GUCY2D: variants seen among roughly 807,000 people sequenced by gnomAD.
GUCY2D encodes the protein retinal guanylyl cyclase 1.
A neutral mutation model predicts 101.3 loss-of-function variants in GUCY2D; 70 were observed. The ratio of observed to expected loss-of-function variants is 0.69; its 90% CI spans 0.57 to 0.84. GUCY2D has a LOEUF of 0.84. Among genes scored for constraint, GUCY2D ranks in the 40% least tolerant of loss-of-function variants. The pLI is 0.00. For missense variants in GUCY2D, 1,460 were observed against 1,542.5 expected (o/e 0.95, Z 0.90); for synonymous variants, 688 against 670.7 (o/e 1.03, Z -0.40).
In GUCY2D at chr17:8,013,908, T is replaced by C. The variant is rs1393165151; in HGVS notation, c.2292T>C (p.Pro764=). 1.9e-6 allele frequency: 3 copies of C among 1,613,462 alleles called. No homozygotes were observed. Among genetic ancestry groups the C allele is most frequent in the Non-Finnish European group, 2.5e-6 (3 of 1,179,432 alleles). The change falls in exon 12 of 20, where the codon CCT becomes CCC. Residue 764 remains proline, a synonymous_variant. Coordinates refer to ENST00000254854, the MANE Select transcript of GUCY2D (RefSeq NM_000180.4). This position sits in a 1 kb window ranked among gnomAD's most constrained non-coding sequence, Gnocchi z 5.0. ...EEVVQRVRSP[P]PLCRPLVSMD... is the part of the protein sequence containing the mutation. The stretch of plus-strand genomic sequence containing the variant: ...TGGTGCAGAGGGTGCGGAGCCCCCC[T>C]CCACTGTGTCGGCCCTTGGTGTCCA...
Position 8,003,560 on chromosome 17 carries a change from C to G in GUCY2D, c.513C>G (p.Ala171=), listed in dbSNP as rs1472949236. 6.3e-7 allele frequency: 1 copy of G among 1,574,802 alleles called. No individual in the cohort carries two copies. The highest frequency in any genetic ancestry group is 1.1e-5 in the South Asian group (1 of 87,856). The change falls in exon 2 of 20, where the codon GCC becomes GCG. Residue 171 remains alanine, a synonymous_variant. Transcript: ENST00000254854. ...TAPAVTPAAD[A]LYALLRAFGW... ...CTGCCGTGACCCCCGCCGCGGATGCCCTCTACGCCCTGCTTCGCGCATTCG... is the reference window on the plus strand; with the variant it reads ...CTGCCGTGACCCCCGCCGCGGATGCGCTCTACGCCCTGCTTCGCGCATTCG...
At position 8,014,902 on chromosome 17, in the gene GUCY2D, G is replaced by A. The variant is rs1001538483; in HGVS notation, c.2620G>A (p.Glu874Lys). 7.4e-6 allele frequency: 12 copies of A among 1,613,964 alleles called. No individual in the cohort carries two copies. Among genetic ancestry groups the A allele is most frequent in the African/African-American group, 2.7e-5 (2 of 74,878 alleles). Residue 874 changes from glutamate (E) to lysine (K), a missense_variant, in exon 14 of 20, where the codon GAG becomes AAG. Coordinates refer to ENST00000254854, the MANE Select transcript of GUCY2D (RefSeq NM_000180.4). This position sits in a 1 kb window ranked among gnomAD's most constrained non-coding sequence, Gnocchi z 4.0. Reference sequence around the variant, plus strand: ...GAAGACGGGGACACCAGTGGAGCCCGAGTACTTTGAGCAAGTGACACTGTA... The same window carrying A: ...GAAGACGGGGACACCAGTGGAGCCCAAGTACTTTGAGCAAGTGACACTGTA... ...ALKTGTPVEPEYFEQVTLYFS... is the reference protein window; with the variant it reads ...ALKTGTPVEPKYFEQVTLYFS...
At chr17:8,006,319 T>C (rs1975735679) in intron 3 of GUCY2D, 44 bp from the exon 4 acceptor site, 1 of 1,456,056 alleles carries the variant, frequency 6.9e-7, no homozygotes, top group Non-Finnish European at 9.5e-7. Flanking sequence ...GGTCTGTCTG[T>C]GGGCTGTGAC....
chr17:8,010,075 A>C (rs1208012133), intron 8 of GUCY2D, among the ~76,000 whole-genome samples: 1 of 151,830 alleles, frequency 6.6e-6, no homozygotes, highest in Non-Finnish European at 1.5e-5. Context: ...ATCTTGTTGC[A>C]ATGTGCAATT....
At chr17:8,009,959 C>T (rs373010281) in intron 8 of GUCY2D, among the ~76,000 whole-genome samples, 1 of 151,514 alleles carries the variant, frequency 6.6e-6, no homozygotes, top group East Asian at 1.9e-4. Context: ...GCCTGGGTGA[C>T]AGAGCAAGAC....
In GUCY2D at chr17:8,014,169, T is replaced by A; in HGVS notation, c.2412+141T>A. The A allele has an allele frequency of 2.5e-6, 2 of 792,162 alleles. No homozygotes were observed. Among genetic ancestry groups the A allele is most frequent in the Admixed American group, 2.0e-5 (1 of 51,010 alleles). The allele number at this position is 792,162 out of a possible 1,614,324, so 49.1% of individuals were successfully genotyped here. ...ACCTCCTAAGGAGTAGCCTGAAGAC[T>A]CGGAGTTTGGGGGCAGAATTGGAAT... On this transcript the variant is annotated intron_variant, in intron 12 of 19. Coordinates refer to ENST00000254854, the MANE Select transcript of GUCY2D (RefSeq NM_000180.4). The surrounding 1 kb of genome is among the most constrained non-coding windows in gnomAD (Gnocchi z 4.0).
rs1975945188 is a variant in GUCY2D at position 8,015,371 on chromosome 17, C to T, written c.2813C>T (p.Pro938Leu). 1 of 1,611,884 alleles carries T rather than the reference C, an allele frequency of 6.2e-7. No homozygotes were observed. Among genetic ancestry groups the T allele is most frequent in the South Asian group, 1.1e-5 (1 of 91,088 alleles). ...GDAYMVASGL[P>L]QRNGQRHAAE... ...GCCTATATGGTGGCCTCGGGGCTGC[C>T]CCAGCGGAATGGGCAGCGACACGCG... The change falls in exon 15 of 20, where the codon CCC (proline) becomes CTC (leucine). Residue 938 changes from proline to leucine, a missense_variant. Physicochemically the swap from Pro to Leu is moderately conservative, Grantham distance 98. Transcript: ENST00000254854.
chr17:8,003,171 C>A lies in GUCY2D; in HGVS notation c.124C>A (p.Leu42Met). The A allele has an allele frequency of 6.7e-7, 1 of 1,503,430 alleles. No homozygotes were observed. 93.1% of individuals were successfully genotyped at this position (1,503,430 alleles called of 1,614,324 possible). Residue 42 changes from leucine (L) to methionine (M), a missense_variant, in exon 2 of 20, where the codon CTG becomes ATG. Around this residue, in one of 3 missense-constraint regions of GUCY2D, gnomAD observed 1,196 missense variants for 1,229.6 expected, o/e 0.97. Coordinates refer to ENST00000254854, the MANE Select transcript of GUCY2D (RefSeq NM_000180.4). ...ALPRLPLLLL[L>M]LLLQPPALSA... is the part of the protein sequence containing the mutation. ...GCCCCGGCTCCCGCTCCTGCTGCTCCTGCTTCTGCTGCAGCCCCCCGCCCT... is the reference window on the plus strand; with the variant it reads ...GCCCCGGCTCCCGCTCCTGCTGCTCATGCTTCTGCTGCAGCCCCCCGCCCT...
In GUCY2D at chr17:8,015,323, C is replaced by T; in HGVS notation, c.2770-5C>T. ...GAAAATTCACACAACTCCTTCTTCC[C>T]CCAGGTGGAGACAATAGGGGACGCC... is the stretch of plus-strand genomic sequence containing the variant. On this transcript the variant is annotated splice_region_variant and splice_polypyrimidine_tract_variant and intron_variant, in intron 14 of 19. Transcript: ENST00000254854. 1 of 1,604,284 alleles carries T rather than the reference C, an allele frequency of 6.2e-7. No homozygotes were observed. The highest frequency in any genetic ancestry group is 8.5e-7 in the Non-Finnish European group (1 of 1,179,552).
In GUCY2D at chr17:8,006,610, G is replaced by T; in HGVS notation, c.1274G>T (p.Gly425Val). 1 of 1,613,074 alleles carries T rather than the reference G, an allele frequency of 6.2e-7. No homozygotes were observed. Among genetic ancestry groups the T allele is most frequent in the Non-Finnish European group, 8.5e-7 (1 of 1,179,760 alleles). Residue 425 changes from glycine to valine, a missense_variant, in exon 4 of 20, where the codon GGC (glycine) becomes GTC (valine). Transcript: ENST00000254854. ...FATYMLDPAR[G>V]SFLSAGTRMH... is the part of the protein sequence containing the mutation. Reference sequence around the variant, plus strand: ...ACATACATGCTGGATCCTGCCCGGGGCTCCTTCCTCTCCGCCGGTACCCGG... The same window carrying T: ...ACATACATGCTGGATCCTGCCCGGGTCTCCTTCCTCTCCGCCGGTACCCGG...
chr17:8,013,285 CAGGGGCACCCTGCAGTTAGAAA>C lies in GUCY2D; in HGVS notation c.2263+36_2263+57del. ...TGCCCTGTGCGTGGAGTTCGGCCCA[CAGGGGCACCCTGCAGTTAGAAA>C]AGAGCCAGCCTCACTCTTTCCTCTA... On this transcript the variant is annotated intron_variant, in intron 11 of 19. Transcript: ENST00000254854. This position sits in a 1 kb window ranked among gnomAD's most constrained non-coding sequence, Gnocchi z 5.0. 1.2e-6 allele frequency: 2 copies of C among 1,608,300 alleles called. No individual in the cohort carries two copies. Among genetic ancestry groups the C allele is most frequent in the Non-Finnish European group, 1.7e-6 (2 of 1,175,362 alleles).
At chr17:8,015,884 C>G (rs770164381) in intron 16 of GUCY2D, 43 bp downstream of exon 16, 1 of 1,596,636 alleles carries the variant, frequency 6.3e-7, no homozygotes, top group African/African-American at 1.3e-5. Flanking sequence ...GAGGGGGACA[C>G]GGGAGGTGAG....
In GUCY2D at chr17:8,013,313, C is replaced by G; in HGVS notation, c.2263+61C>G. On this transcript the variant is annotated intron_variant, in intron 11 of 19. Coordinates refer to ENST00000254854, the MANE Select transcript of GUCY2D (RefSeq NM_000180.4). The surrounding 1 kb of genome is among the most constrained non-coding windows in gnomAD (Gnocchi z 5.0). ...GGGCACCCTGCAGTTAGAAAAGAGC[C>G]AGCCTCACTCTTTCCTCTAAAGCAA... The G allele has an allele frequency of 6.6e-7, 1 of 1,517,962 alleles. No homozygotes were observed. Among genetic ancestry groups the G allele is most frequent in the East Asian group, 2.3e-5 (1 of 44,082 alleles). 94.0% of individuals were successfully genotyped at this position (1,517,962 alleles called of 1,614,324 possible). A position where few individuals can be genotyped will look rare whatever the true frequency, so the allele number is the denominator to read the frequency against.
chr17:8,015,799 G>C lies in GUCY2D; in HGVS notation c.3001G>C (p.Asp1001His). Reference sequence around the variant, plus strand: ...CATGCCGCGGTACTGCCTGTTTGGGGACACGGTCAACACCGCCTCGCGCAT... The same window carrying C: ...CATGCCGCGGTACTGCCTGTTTGGGCACACGGTCAACACCGCCTCGCGCAT... ...LTMPRYCLFGDTVNTASRMES... is the reference protein window; with the variant it reads ...LTMPRYCLFGHTVNTASRMES... Residue 1001 changes from aspartate (D) to histidine (H), a missense_variant, in exon 16 of 20, where the codon GAC (aspartate) becomes CAC (histidine). Asp to His is a moderately conservative substitution (Grantham distance 81). Around this residue, in one of 3 missense-constraint regions of GUCY2D, gnomAD observed 215 missense variants for 227.9 expected, o/e 0.94. Coordinates refer to ENST00000254854, the MANE Select transcript of GUCY2D (RefSeq NM_000180.4). 1 of 1,612,912 alleles carries C rather than the reference G, an allele frequency of 6.2e-7. No homozygotes were observed. The highest frequency in any genetic ancestry group is 8.5e-7 in the Non-Finnish European group (1 of 1,179,672).
intron 19 of GUCY2D, among the ~76,000 whole-genome samples, chr17:8,017,172 T>C (rs1975994441): frequency 6.6e-6 from 1 of 152,188 alleles, no homozygotes; most frequent in African/African-American, 2.4e-5. Context: ...CATGTGACCT[T>C]GGGAAAGTGT....
chr17:8,005,956 G>T (rs1975729271), intron 3 of GUCY2D, among the ~76,000 whole-genome samples: 1 of 152,168 alleles, frequency 6.6e-6, no homozygotes, highest in East Asian at 1.9e-4. Flanking sequence ...AAAGATAGGT[G>T]AGAAGGCTTT....
rs757104555 is a variant in GUCY2D at position 8,014,042 on chromosome 17, A to G, written c.2412+14A>G. On this transcript the variant is annotated intron_variant, in intron 12 of 19. Transcript: ENST00000254854. This position sits in a 1 kb window ranked among gnomAD's most constrained non-coding sequence, Gnocchi z 4.0. ...ACCTTCGACCTGGTCAGGGGCTGGG[A>G]GTGGGCAAGGACTGGGCTGGCCTCT... 6.2e-7 allele frequency: 1 copy of G among 1,610,246 alleles called. No homozygotes were observed. The highest frequency in any genetic ancestry group is 8.5e-7 in the Non-Finnish European group (1 of 1,178,736).
rs1415396885 is a variant in GUCY2D, at chr17:8,003,885, G to C, written c.755G>C (p.Gly252Ala). Reference sequence around the variant, plus strand: ...ATGGTGATGCACTCGGTGCTGCTGGGTGGCGAGGAGCAGCGCTACCTCCTG... The same window carrying C: ...ATGGTGATGCACTCGGTGCTGCTGGCTGGCGAGGAGCAGCGCTACCTCCTG... Reference protein sequence around the residue: ...VIMVMHSVLLGGEEQRYLLEA... With the variant: ...VIMVMHSVLLAGEEQRYLLEA... The change falls in exon 3 of 20, where the codon GGT becomes GCT. Residue 252 changes from glycine (G) to alanine (A), a missense_variant. Gly to Ala is a moderately conservative substitution (Grantham distance 60). Transcript: ENST00000254854. The C allele has an allele frequency of 5.0e-6, 8 of 1,613,160 alleles. No individual in the cohort carries two copies. The highest frequency in any genetic ancestry group is 5.9e-6 in the Non-Finnish European group (7 of 1,179,852).
rs769023061 is a variant in GUCY2D, at chr17:8,006,620, C to A, written c.1284C>A (p.Leu428=). 11 of 1,612,928 alleles carry A rather than the reference C, an allele frequency of 6.8e-6. No homozygotes were observed. Among genetic ancestry groups the A allele is most frequent in the Non-Finnish European group, 9.3e-6 (11 of 1,179,668 alleles). The change falls in exon 4 of 20, where the codon CTC becomes CTA. Residue 428 remains leucine, a synonymous_variant. Transcript: ENST00000254854. ...YMLDPARGSF[L]SAGTRMHFPR... Reference sequence around the variant, plus strand: ...TGGATCCTGCCCGGGGCTCCTTCCTCTCCGCCGGTACCCGGATGCACTTCC... The same window carrying A: ...TGGATCCTGCCCGGGGCTCCTTCCTATCCGCCGGTACCCGGATGCACTTCC...
Sources: gnomAD v4.1 joint callset for allele counts (sites outside exome capture counted in the v4.1 genomes callset) on GRCh38, gnomAD v4.1.1 for gene constraint, gnomAD v4.1.1 regional missense constraint, Gnocchi (gnomAD v3.1) non-coding constraint, MANE v1.5 for transcripts, NCBI Gene and HGNC (gene_info 2026-07-23, HGNC 2026-07-21) for gene names.